DLGAP1: variants seen among roughly 807,000 people sequenced by gnomAD.
DLGAP1 encodes the protein disks large-associated protein 1.
Under a neutral mutation model 90.8 loss-of-function variants are expected in DLGAP1, and 11 were observed. That is an observed-to-expected ratio of 0.12 (90% CI 0.08 to 0.20). The LOEUF (loss-of-function observed/expected upper bound fraction) is 0.20. DLGAP1 is among the 10% of genes least tolerant of loss of function. The pLI is 1.00. For missense variants in DLGAP1, 1,050 were observed against 1,333.8 expected, an observed-to-expected ratio of 0.79 and a Z score of 3.31; for synonymous variants, 558 against 540.7, an observed-to-expected ratio of 1.03 and a Z score of -0.44.
At chr18:3,652,470 G>A (rs2059349226) in intron 7 of DLGAP1, among the ~76,000 whole-genome samples, 2 of 151,844 alleles carry the variant, frequency 1.3e-5, no homozygotes, top group Admixed American at 1.3e-4. Context: ...TAGGACTACA[G>A]GTGTATGCCA....
At chr18:4,179,802 A>G (rs905258002) in intron 1 of DLGAP1, among the ~76,000 whole-genome samples, 2 of 152,200 alleles carry the variant, frequency 1.3e-5, no homozygotes, top group Admixed American at 6.5e-5. Flanking sequence ...ATCTTCTCCC[A>G]GTAACCTCAC....
At chr18:3,612,720 T>C (rs896903641) in intron 7 of DLGAP1, among the ~76,000 whole-genome samples, 3 of 152,248 alleles carry the variant, frequency 2.0e-5, no homozygotes, top group African/African-American at 4.8e-5. Context: ...TTCTGAAACA[T>C]TGACCAATCA....
At chr18:3,549,281 A>G (rs1341988887) in intron 9 of DLGAP1, among the ~76,000 whole-genome samples, 1 of 152,030 alleles carries the variant, frequency 6.6e-6, no homozygotes, top group Non-Finnish European at 1.5e-5. Context: ...GGAATGCTGA[A>G]GATTTAGATT....
chr18:4,103,050 T>C (rs1433133668), intron 2 of DLGAP1, among the ~76,000 whole-genome samples: 2 of 152,224 alleles, frequency 1.3e-5, no homozygotes, highest in Non-Finnish European at 2.9e-5. Flanking sequence ...GTGTACTCCT[T>C]TTCTGCTTCT....
intron 1 of DLGAP1, among the ~76,000 whole-genome samples, chr18:4,259,800 C>T (rs1002785472): frequency 6.6e-6 from 1 of 152,016 alleles, no homozygotes; most frequent in Non-Finnish European, 1.5e-5. Flanking sequence ...CTATTGTGCC[C>T]TTAGAGAGAG....
chr18:3,964,172 G>A (rs867700002), intron 3 of DLGAP1, among the ~76,000 whole-genome samples: 9 of 152,082 alleles, frequency 5.9e-5, no homozygotes, highest in African/African-American at 2.4e-5. Flanking sequence ...ACACAAAAGT[G>A]TAAGATAATT....
At chr18:4,011,806 T>C (rs1156824059) in intron 2 of DLGAP1, among the ~76,000 whole-genome samples, 1 of 151,568 alleles carries the variant, frequency 6.6e-6, no homozygotes, top group Non-Finnish European at 1.5e-5. Flanking sequence ...CCTGGGTGAG[T>C]TCAGTGGTGT....
intron 7 of DLGAP1, among the ~76,000 whole-genome samples, chr18:3,723,382 C>A (rs1363807010): frequency 6.6e-6 from 1 of 152,138 alleles, no homozygotes; most frequent in Non-Finnish European, 1.5e-5. Context: ...AATAGCAATG[C>A]TATTTTCCCT....
At chr18:4,115,001 TC>T (rs1247516058) in intron 2 of DLGAP1, among the ~76,000 whole-genome samples, 3 of 152,166 alleles carry the variant, frequency 2.0e-5, no homozygotes, top group African/African-American at 7.2e-5. Context: ...GTCATTGTTT[TC>T]TGTATGTCTC....
At chr18:3,629,885 T>C (rs754415174) in intron 7 of DLGAP1, among the ~76,000 whole-genome samples, 7 of 152,180 alleles carry the variant, frequency 4.6e-5, no homozygotes, top group Non-Finnish European at 8.8e-5. Context: ...TAGCAATCTT[T>C]TTAAAAATTT....
chr18:4,422,339 TA>T (rs2083058846), intron 1 of DLGAP1, among the ~76,000 whole-genome samples: 1 of 151,994 alleles, frequency 6.6e-6, no homozygotes, highest in South Asian at 2.1e-4. Context: ...GAAAAGTTTA[TA>T]AAATGGTATG....
At chr18:3,561,798 C>T (rs1311552481) in intron 9 of DLGAP1, among the ~76,000 whole-genome samples, 3 of 150,762 alleles carry the variant, frequency 2.0e-5, no homozygotes, top group African/African-American at 5.0e-5. Context: ...TCCGTTTTAA[C>T]GCTGCTGATA....
At chr18:4,207,961 ACTT>A (rs948283162) in intron 1 of DLGAP1, among the ~76,000 whole-genome samples, 2 of 152,174 alleles carry the variant, frequency 1.3e-5, no homozygotes, top group African/African-American at 4.8e-5. Flanking sequence ...TGAACCTGTT[ACTT>A]CTTCTAAATG....
chr18:4,241,007 C>A (rs564711494), intron 1 of DLGAP1, among the ~76,000 whole-genome samples: 305 of 152,334 alleles, frequency 2.0e-3, no homozygotes, highest in Admixed American at 3.9e-3. Context: ...AATCGACGTA[C>A]TGAGAACTAA....
chr18:4,388,689 C>T (rs2082283342), intron 1 of DLGAP1, among the ~76,000 whole-genome samples: 2 of 152,128 alleles, frequency 1.3e-5, no homozygotes, highest in Admixed American at 6.5e-5. Flanking sequence ...GAAAAAGTTA[C>T]TCTCCCCCAC....
intron 7 of DLGAP1, among the ~76,000 whole-genome samples, chr18:3,695,939 G>C (rs2061076550): frequency 6.6e-6 from 1 of 152,102 alleles, no homozygotes; most frequent in Admixed American, 6.6e-5. Context: ...TGTATTTCTA[G>C]ATATTTTATT....
intron 3 of DLGAP1, among the ~76,000 whole-genome samples, chr18:3,982,351 C>T (rs1183738627): frequency 6.7e-6 from 1 of 149,886 alleles, no homozygotes; most frequent in Non-Finnish European, 1.5e-5. Context: ...TGGACGTGTG[C>T]CTTCTTCAGA....
At chr18:4,045,432 C>CA (rs763466156) in intron 2 of DLGAP1, among the ~76,000 whole-genome samples, 2,255 of 29,174 alleles carry the variant, frequency 0.077, 474 homozygotes, top group East Asian at 0.19. Context: ...CCCATCTCTA[C>CA]AAAAAAAAAA....
intron 2 of DLGAP1, among the ~76,000 whole-genome samples, chr18:4,016,155 A>C (rs2074520119): frequency 6.6e-6 from 1 of 152,234 alleles, no homozygotes; most frequent in African/African-American, 2.4e-5. Flanking sequence ...CCCTAGAGAC[A>C]GATATTTAGC....
Sources: allele counts gnomAD v4.1 joint callset (sites outside exome capture counted in the v4.1 genomes callset), GRCh38; gene constraint gnomAD v4.1.1; transcripts MANE v1.5; gene names NCBI Gene and HGNC (gene_info 2026-07-23, HGNC 2026-07-21).